The following MTTP variants were observed in gnomAD, a reference collection of about 807,000 sequenced individuals.
The protein encoded by MTTP is microsomal triglyceride transfer protein large subunit.
MTTP carries 49 observed loss-of-function variants against 90.6 expected under a neutral mutation model. That is an observed-to-expected ratio of 0.54 (90% CI 0.43 to 0.69). The LOEUF is 0.69. Among genes scored for constraint, MTTP ranks in the 30% least tolerant of loss-of-function variants. The probability of loss-of-function intolerance (pLI) is 0.00; values close to 1 mark genes in which losing one functional copy is unlikely to be tolerated. For synonymous variants in MTTP, 347 were observed against 384.2 expected, an observed-to-expected ratio of 0.90 and a Z score of 1.13; for missense variants, 945 against 1,067.5, an observed-to-expected ratio of 0.89 and a Z score of 1.60.
At chr4:99,591,419 A>G in intron 5 of MTTP, 68 bp downstream of exon 5, 1 of 1,279,054 alleles carries the variant, frequency 7.8e-7, no homozygotes. Flanking sequence ...ATTTAATGTA[A>G]TAGAAAAATA....
intron 1 of MTTP, among the ~76,000 whole-genome samples, chr4:99,580,952 A>G (rs771319592): frequency 6.6e-6 from 1 of 152,082 alleles, no homozygotes; most frequent in Non-Finnish European, 1.5e-5. Flanking sequence ...CCCTCTCCCC[A>G]TATGTATATT....
chr4:99,619,077 C>T lies in MTTP; in HGVS notation c.2321C>T (p.Ser774Phe). 6.2e-7 allele frequency: 1 copy of T among 1,613,462 alleles called. No homozygotes were observed. The change falls in exon 16 of 18, where the codon TCT becomes TTT. Residue 774 changes from serine to phenylalanine, a missense_variant. Physicochemically the swap from Ser to Phe is radical, Grantham distance 155. Transcript: ENST00000265517. ...GAGTTTAGCTTGTGGTATCGTGAGT[C>T]TAAAACCCGAGTGAAAAATAGGTAA... ...AMEFSLWYRE[S>F]KTRVKNRVTV...
chr4:99,580,574 C>CAAAAAAAAAAAAAAAAAAAAACAAA (rs1725079970), intron 1 of MTTP, among the ~76,000 whole-genome samples: 1 of 39,880 alleles, frequency 2.5e-5, no homozygotes, highest in East Asian at 1.4e-3. Flanking sequence ...GACTCTGTCT[C>CAAAAAAAAAAAAAAAAAAAAACAAA]AAAAAAAAAA....
chr4:99,621,239 G>A lies in MTTP; in HGVS notation c.2513+8G>A, dbSNP rs1286304045. The stretch of plus-strand genomic sequence containing the variant: ...GGATGAAGCTCCATTCAGGTAAGAT[G>A]CAGCGTTCAGGTCATGTTCCAGGAC... On this transcript the variant is annotated splice_region_variant and intron_variant, in intron 17 of 17. Transcript: ENST00000265517. 3.7e-6 allele frequency: 6 copies of A among 1,613,760 alleles called. No homozygotes were observed. In the African/African-American group the frequency reaches 8.0e-5, roughly 22 times the overall value.
chr4:99,591,356 G>A lies in MTTP; in HGVS notation c.618+5G>A, dbSNP rs1382076852. 6.4e-7 allele frequency: 1 copy of A among 1,574,374 alleles called. No individual in the cohort carries two copies. The highest frequency in any genetic ancestry group is 2.2e-5 in the East Asian group (1 of 44,678). On this transcript the variant is annotated splice_donor_5th_base_variant and intron_variant, in intron 5 of 17. Coordinates refer to ENST00000265517, the MANE Select transcript of MTTP (RefSeq NM_001386140.1). The stretch of plus-strand genomic sequence containing the variant: ...GGATTTACGACCCCAAATCAGGTAT[G>A]ATAGATGTCACTTTCTTTGAGGCAT...
At chr4:99,570,453 A>T (rs1297670291), upstream of MTTP, among the ~76,000 whole-genome samples, 1 of 151,756 alleles carries the variant, frequency 6.6e-6, no homozygotes, top group Non-Finnish European at 1.5e-5. Flanking sequence ...TCTCTCTCTG[A>T]TATTCTGCAG....
At chr4:99,573,286 G>T (rs1476850322), upstream of MTTP, among the ~76,000 whole-genome samples, 1 of 152,136 alleles carries the variant, frequency 6.6e-6, no homozygotes, top group Non-Finnish European at 1.5e-5. Flanking sequence ...ATATCCCTAT[G>T]TATGTATCAC....
intron 10 of MTTP, among the ~76,000 whole-genome samples, chr4:99,605,133 G>C (rs752252574): frequency 7.9e-5 from 12 of 151,846 alleles, no homozygotes; most frequent in Non-Finnish European, 1.2e-4. Context: ...TAGTAATGTG[G>C]TTCAAAAGGC....
chr4:99,564,216 G>T, exon 1 of MTTP: 1 of 1,535,602 alleles, frequency 6.5e-7, no homozygotes, highest in East Asian at 2.4e-5. Context: ...ACCTGCAGAC[G>T]TGTATTCATT....
chr4:99,618,943 T>G (rs533502914), intron 15 of MTTP, 31 bp from the exon 16 acceptor site: 4 of 1,606,250 alleles, frequency 2.5e-6, no homozygotes, highest in Non-Finnish European at 2.6e-6. Context: ...CTTATTATTT[T>G]TATAACTATT....
In MTTP at chr4:99,621,244, G is replaced by A. The variant is rs148073215; in HGVS notation, c.2513+13G>A. On this transcript the variant is annotated intron_variant, in intron 17 of 17. Coordinates refer to ENST00000265517, the MANE Select transcript of MTTP (RefSeq NM_001386140.1). The stretch of plus-strand genomic sequence containing the variant: ...AAGCTCCATTCAGGTAAGATGCAGC[G>A]TTCAGGTCATGTTCCAGGACCATCC... The A allele has an allele frequency of 1.3e-3, 2,147 of 1,613,690 alleles. 2 individuals carry two copies. Among genetic ancestry groups the A allele is most frequent in the African/African-American group, 3.5e-3 (261 of 74,996 alleles).
intron 3 of MTTP, among the ~76,000 whole-genome samples, chr4:99,585,760 A>G (rs1332095434): frequency 6.6e-6 from 1 of 152,076 alleles, no homozygotes; most frequent in Admixed American, 6.6e-5. Flanking sequence ...AATAACTGCA[A>G]TGGGCCAATT....
chr4:99,622,882 C>A lies in MTTP; in HGVS notation c.*34C>A. The A allele has an allele frequency of 6.2e-7, 1 of 1,602,542 alleles. No homozygotes were observed. ...TGTGATATTTTACTTGAATTTGTCTCCCCGAAAGGGACACAATGTGGCATG... is the reference window on the plus strand; with the variant it reads ...TGTGATATTTTACTTGAATTTGTCTACCCGAAAGGGACACAATGTGGCATG... On this transcript the variant is annotated 3_prime_UTR_variant, in exon 18 of 18. Coordinates refer to ENST00000265517, the MANE Select transcript of MTTP (RefSeq NM_001386140.1).
chr4:99,598,653 C>CTTTTTT (rs745529189), intron 8 of MTTP, among the ~76,000 whole-genome samples: 1,981 of 82,524 alleles, frequency 0.024, 183 homozygotes, highest in Non-Finnish European at 0.032. Flanking sequence ...TCAAGGAAGT[C>CTTTTTT]TTTTTTTTTT....
intron 4 of MTTP, among the ~76,000 whole-genome samples, chr4:99,590,512 T>A (rs1292468573): frequency 6.6e-6 from 1 of 152,210 alleles, no homozygotes; most frequent in Non-Finnish European, 1.5e-5. Flanking sequence ...TAGGTGGATC[T>A]TCCAGTATCA....
chr4:99,607,076 T>C, intron 11 of MTTP, 116 bp downstream of exon 11: 1 of 884,144 alleles, frequency 1.1e-6, no homozygotes, highest in African/African-American at 1.7e-5. Context: ...AATAGTCTTC[T>C]CTCCTGCTTA....
At chr4:99,582,631 C>T (rs149175801) in intron 2 of MTTP, among the ~76,000 whole-genome samples, 1 of 152,128 alleles carries the variant, frequency 6.6e-6, no homozygotes, top group African/African-American at 2.4e-5. Context: ...ATTAGTTGGT[C>T]TCTGGGGACT....
intron 8 of MTTP, 32 bp from the exon 9 acceptor site, chr4:99,600,533 A>C: frequency 1.9e-6 from 3 of 1,603,038 alleles, no homozygotes; most frequent in Non-Finnish European, 2.6e-6. Context: ...TCCCCTAAAC[A>C]TTGATATCCA....
intron 1 of MTTP, 110 bp downstream of exon 1, chr4:99,575,080 T>G: frequency 8.1e-7 from 1 of 1,237,882 alleles, no homozygotes; most frequent in Non-Finnish European, 1.2e-6. Flanking sequence ...AGTTTCTGAC[T>G]AAACTATCTT....
Sources: gnomAD v4.1 joint callset for allele counts (sites outside exome capture counted in the v4.1 genomes callset) on GRCh38, gnomAD v4.1.1 for gene constraint, MANE v1.5 for transcripts, NCBI Gene and HGNC (gene_info 2026-07-23, HGNC 2026-07-21) for gene names.